Variants in GPHN observed in about 807,000 individuals in gnomAD.
GPHN encodes gephyrin.
In GPHN, 17 loss-of-function variants were observed where a neutral mutation model predicts 95.5. The ratio of observed to expected loss-of-function variants is 0.18; its 90% CI spans 0.12 to 0.27. GPHN has a LOEUF of 0.27. GPHN is among the 10% of genes least tolerant of loss of function. The pLI is 1.00. For synonymous variants in GPHN, 320 were observed against 322.5 expected, an observed-to-expected ratio of 0.99 and a Z score of 0.08; for missense variants, 660 against 978.1, an observed-to-expected ratio of 0.67 and a Z score of 4.34.
chr14:67,177,864 G>T (rs1317785208), intron 21 of GPHN, among the ~76,000 whole-genome samples: 2 of 151,402 alleles, frequency 1.3e-5, no homozygotes, highest in South Asian at 2.1e-4. Flanking sequence ...ATCCTTGTTG[G>T]TTATCAGAGA....
the GPHN span, among the ~76,000 whole-genome samples, chr14:67,307,492 T>C: frequency 6.6e-6 from 1 of 152,254 alleles, no homozygotes; most frequent in African/African-American, 2.4e-5. Context: ...GCTATTATTA[T>C]GATTATGTAC....
the GPHN span, among the ~76,000 whole-genome samples, chr14:67,232,710 G>GT: frequency 6.6e-6 from 1 of 151,994 alleles, no homozygotes; most frequent in Non-Finnish European, 1.5e-5. Context: ...AAGATCCTAG[G>GT]TATATTCATA....
At chr14:66,660,773 C>T (rs2065596676) in intron 1 of GPHN, among the ~76,000 whole-genome samples, 1 of 152,076 alleles carries the variant, frequency 6.6e-6, no homozygotes, top group South Asian at 2.1e-4. Flanking sequence ...ACAACTCAAC[C>T]CACAGAGAAT....
chr14:67,299,197 A>G, the GPHN span, among the ~76,000 whole-genome samples: 7 of 152,314 alleles, frequency 4.6e-5, no homozygotes, highest in African/African-American at 1.7e-4. Flanking sequence ...CTATTTCTCT[A>G]TCTTTTGTGA....
intron 12 of GPHN, among the ~76,000 whole-genome samples, chr14:67,098,080 A>T (rs568469194): frequency 1.1e-3 from 169 of 152,290 alleles, no homozygotes; most frequent in Non-Finnish European, 1.9e-3. Flanking sequence ...CCATCATGGC[A>T]CATGTATACA....
intron 4 of GPHN, among the ~76,000 whole-genome samples, chr14:66,846,529 G>A (rs1380752648): frequency 2.0e-5 from 3 of 152,030 alleles, no homozygotes; most frequent in Admixed American, 1.3e-4. Context: ...CAAAGTCACA[G>A]TGGCTGTATA....
At chr14:67,610,422 T>C in the GPHN span, among the ~76,000 whole-genome samples, 2 of 152,170 alleles carry the variant, frequency 1.3e-5, no homozygotes, top group Non-Finnish European at 2.9e-5. Context: ...ATGACATGGT[T>C]ACAATTATGG....
chr14:67,078,308 A>T (rs948087284), intron 11 of GPHN, among the ~76,000 whole-genome samples: 1 of 152,138 alleles, frequency 6.6e-6, no homozygotes, highest in East Asian at 1.9e-4. Flanking sequence ...GGTAAAAGGA[A>T]ATTTTGCTTA....
the GPHN span, among the ~76,000 whole-genome samples, chr14:67,504,641 C>T: frequency 2.6e-5 from 4 of 152,174 alleles, no homozygotes; most frequent in Non-Finnish European, 5.9e-5. Flanking sequence ...AATCCCAGCA[C>T]TTTGGGAGGC....
intron 8 of GPHN, among the ~76,000 whole-genome samples, chr14:66,935,489 G>A (rs2067068674): frequency 8.8e-6 from 1 of 113,548 alleles, no homozygotes; most frequent in South Asian, 2.6e-4. Flanking sequence ...GTATATATAT[G>A]TATATGTGTG....
At chr14:67,587,108 T>C in the GPHN span, 1 of 1,613,206 alleles carries the variant, frequency 6.2e-7, no homozygotes, top group African/African-American at 1.3e-5. Flanking sequence ...GCCAGCTATA[T>C]GAACCATTGC....
intron 5 of GPHN, among the ~76,000 whole-genome samples, chr14:66,901,626 A>G (rs1404343237): frequency 6.6e-6 from 1 of 152,104 alleles, no homozygotes; most frequent in Non-Finnish European, 1.5e-5. Flanking sequence ...TTAATTGAAA[A>G]GACAGGTCTT....
chr14:67,411,676 G>C, the GPHN span, among the ~76,000 whole-genome samples: 1 of 152,250 alleles, frequency 6.6e-6, no homozygotes, highest in East Asian at 1.9e-4. Flanking sequence ...TACAGAGCAC[G>C]CCTATATTAT....
chr14:67,429,321 C>G, the GPHN span, among the ~76,000 whole-genome samples: 13 of 151,322 alleles, frequency 8.6e-5, no homozygotes, highest in African/African-American at 3.2e-4. Context: ...ACATCCGGCT[C>G]CCGGGTTCAA....
At chr14:66,901,949 G>A (rs1176952194) in intron 5 of GPHN, among the ~76,000 whole-genome samples, 2 of 151,916 alleles carry the variant, frequency 1.3e-5, no homozygotes, top group Admixed American at 6.6e-5. Context: ...TCCACTGAAT[G>A]TCTAGATTAC....
intron 1 of GPHN, among the ~76,000 whole-genome samples, chr14:66,551,680 G>A (rs565655370): frequency 6.6e-6 from 1 of 152,330 alleles, no homozygotes; most frequent in African/African-American, 2.4e-5. Context: ...TCCACAGGCT[G>A]TACAGGAAGC....
chr14:66,905,974 G>A (rs1208603269), intron 5 of GPHN, among the ~76,000 whole-genome samples: 1 of 149,342 alleles, frequency 6.7e-6, no homozygotes, highest in Non-Finnish European at 1.5e-5. Flanking sequence ...TTCAATTCAG[G>A]ATATATTTGA....
At chr14:67,051,983 A>G (rs560392897) in intron 10 of GPHN, among the ~76,000 whole-genome samples, 1 of 152,244 alleles carries the variant, frequency 6.6e-6, no homozygotes, top group Middle Eastern at 3.4e-3. Context: ...GAAAGAAAAA[A>G]CCAATACCTG....
chr14:66,783,983 C>T (rs548852081), intron 3 of GPHN, among the ~76,000 whole-genome samples: 1 of 152,096 alleles, frequency 6.6e-6, no homozygotes, highest in East Asian at 1.9e-4. Context: ...AAATATCAGT[C>T]ATCATACCAA....
Sources: gnomAD v4.1 joint callset for allele counts (sites outside exome capture counted in the v4.1 genomes callset) on GRCh38, gnomAD v4.1.1 for gene constraint, MANE v1.5 for transcripts, NCBI Gene and HGNC (gene_info 2026-07-23, HGNC 2026-07-21) for gene names.